Variants in CFAP119 observed in about 807,000 individuals in gnomAD.
CFAP119 encodes cilia and flagella associated protein 119.
At chr16:30,761,647 T>C in the CFAP119 span, 1 of 1,535,920 alleles carries the variant, frequency 6.5e-7, no homozygotes. Flanking sequence ...ACCCATGCAC[T>C]GAGCTGCGAT....
chr16:30,759,076 C>G, the CFAP119 span: 1 of 1,614,224 alleles, frequency 6.2e-7, no homozygotes, highest in Non-Finnish European at 8.5e-7. Flanking sequence ...CTGCCTGCTC[C>G]TCCATCTCCT....
chr16:30,760,012 G>A, the CFAP119 span: 1 of 1,475,494 alleles, frequency 6.8e-7, no homozygotes, highest in Non-Finnish European at 8.9e-7. Flanking sequence ...TGAAGCAAGA[G>A]CTATTAAACA....
chr16:30,760,373 G>T, the CFAP119 span: 1 of 1,614,220 alleles, frequency 6.2e-7, no homozygotes, highest in Non-Finnish European at 8.5e-7. Context: ...GAAAATGAGC[G>T]CGTGGCAGAA....
the CFAP119 span, chr16:30,760,385 A>G: frequency 5.0e-6 from 8 of 1,614,190 alleles, no homozygotes; most frequent in Non-Finnish European, 5.1e-6. Flanking sequence ...GTGGCAGAAG[A>G]GGTCCAGGGT....
the CFAP119 span, chr16:30,760,045 C>T: frequency 8.6e-6 from 13 of 1,518,112 alleles, no homozygotes; most frequent in East Asian, 2.5e-5. Context: ...TGTTATTGTG[C>T]ACTATGCATA....
chr16:30,759,316 GCTC>G, the CFAP119 span: 1 of 1,612,418 alleles, frequency 6.2e-7, no homozygotes. Context: ...GTTGAGGGTG[GCTC>G]CTCATGGTCC....
the CFAP119 span, chr16:30,760,687 AAG>A: frequency 1.0e-5 from 16 of 1,543,116 alleles, no homozygotes; most frequent in African/African-American, 1.2e-4. Context: ...GTAAAAGAAA[AAG>A]AGTATTGGTG....
the CFAP119 span, chr16:30,759,038 G>C: frequency 5.6e-6 from 9 of 1,614,088 alleles, no homozygotes; most frequent in East Asian, 4.5e-5. Context: ...TGGGGCCACT[G>C]TCTCTAGTTC....
chr16:30,761,286 T>C, the CFAP119 span: 1 of 1,610,936 alleles, frequency 6.2e-7, no homozygotes, highest in South Asian at 1.1e-5. Context: ...CCGTAGCGAA[T>C]CTCCAGCAGG....
At chr16:30,757,945 A>G in the CFAP119 span, 2 of 556,542 alleles carry the variant, frequency 3.6e-6, no homozygotes, top group Non-Finnish European at 5.5e-6. Context: ...AAATGTGGAT[A>G]GTGATACCTA....
chr16:30,761,489 T>A, the CFAP119 span: 9 of 1,532,050 alleles, frequency 5.9e-6, no homozygotes, highest in East Asian at 7.3e-5. Context: ...AGGTGGCGCC[T>A]GCGGGGGAGC....
chr16:30,760,049 A>C, the CFAP119 span: 53 of 1,524,522 alleles, frequency 3.5e-5, 2 homozygotes, highest in East Asian at 7.1e-4. Flanking sequence ...ATTGTGCACT[A>C]TGCATATATT....
chr16:30,760,061 G>A, the CFAP119 span: 1 of 1,530,106 alleles, frequency 6.5e-7, no homozygotes, highest in Non-Finnish European at 8.7e-7. Context: ...GCATATATTT[G>A]CATATATTAT....
the CFAP119 span, chr16:30,761,241 A>G: frequency 1.2e-6 from 2 of 1,613,718 alleles, no homozygotes; most frequent in South Asian, 1.1e-5. Context: ...TGCGGAAAGA[A>G]AGCGAATTGG....
the CFAP119 span, chr16:30,759,120 AAG>A: frequency 1.2e-6 from 2 of 1,614,162 alleles, no homozygotes; most frequent in Non-Finnish European, 8.5e-7. Context: ...CAGAAGCAGG[AAG>A]AGACTGTGGC....
At chr16:30,757,495 C>T in the CFAP119 span, 1 of 1,613,822 alleles carries the variant, frequency 6.2e-7, no homozygotes, top group Non-Finnish European at 8.5e-7. Context: ...CTTGCTCTTG[C>T]CTTTACCCGG....
the CFAP119 span, chr16:30,759,055 C>G: frequency 1.2e-6 from 2 of 1,614,232 alleles, no homozygotes; most frequent in Non-Finnish European, 1.7e-6. Flanking sequence ...GTTCCTCTTT[C>G]TGCGGGGTAA....
the CFAP119 span, chr16:30,758,018 G>A: frequency 1.7e-4 from 35 of 209,132 alleles, no homozygotes; most frequent in Non-Finnish European, 2.9e-4. Context: ...AGCAGGGCAT[G>A]CACTGCACAC....
the CFAP119 span, chr16:30,759,456 C>A: frequency 6.2e-7 from 1 of 1,614,220 alleles, no homozygotes; most frequent in Non-Finnish European, 8.5e-7. Flanking sequence ...TGAAAGGAGG[C>A]CGCTGTGGTG....
Sources: allele counts gnomAD v4.1 joint callset, GRCh38; gene constraint gnomAD v4.1.1; transcripts MANE v1.5; gene names NCBI Gene and HGNC (gene_info 2026-07-23, HGNC 2026-07-21).